DNHD1: variants seen among roughly 807,000 people sequenced by gnomAD.
DNHD1 encodes the protein dynein heavy chain domain-containing protein 1.
A neutral mutation model predicts 458.1 loss-of-function variants in DNHD1; 383 were observed. The ratio of observed to expected loss-of-function variants is 0.84; its 90% confidence interval spans 0.77 to 0.91. The LOEUF is 0.91. DNHD1 is among the 40% of genes least tolerant of loss of function. The probability of loss-of-function intolerance (pLI) is 0.00; values close to 1 mark genes in which losing one functional copy is unlikely to be tolerated. For synonymous variants in DNHD1, 2,203 were observed against 2,376.9 expected (o/e 0.93, Z 2.13); for missense variants, 5,336 against 5,866.1 (o/e 0.91, Z 2.95).
chr11:6,547,308 TC>T lies in DNHD1; in HGVS notation c.6370del (p.Leu2124SerfsTer2). ...AGATAGCACGACCCCCAGGCACCTTTCTCTTGATGGAGGTGGCTGACACAAC... is the reference window on the plus strand; with the variant it reads ...AGATAGCACGACCCCCAGGCACCTTTTCTTGATGGAGGTGGCTGACACAAC... ...QQIARPPGTF[L>X]LMEVADTTGI... On this transcript the variant is annotated frameshift_variant, in exon 21 of 43. Coordinates refer to ENST00000254579, the MANE Select transcript of DNHD1 (RefSeq NM_144666.3). LOFTEE classifies it high-confidence loss of function. 6.4e-7 allele frequency: 1 copy of T among 1,551,792 alleles called. No homozygotes were observed. The highest frequency in any genetic ancestry group is 8.7e-7 in the Non-Finnish European group (1 of 1,147,010).
chr11:6,548,556 T>C lies in DNHD1; in HGVS notation c.7099-89T>C. On this transcript the variant is annotated intron_variant, in intron 23 of 42. Transcript: ENST00000254579. The surrounding 1 kb of genome is among the most constrained non-coding windows in gnomAD (Gnocchi z 4.4). ...ACATGAAATATTTTCCAAGTACAGC[T>C]CTAGGACAAGTCCCTTAGACTTTTA... The C allele has an allele frequency of 2.7e-6, 4 of 1,502,910 alleles. No homozygotes were observed. Among genetic ancestry groups the C allele is most frequent in the Non-Finnish European group, 2.7e-6 (3 of 1,111,612 alleles). The allele number at this position is 1,502,910 out of a possible 1,614,324, so 93.1% of individuals were successfully genotyped here.
rs865957084 is a variant in DNHD1, at chr11:6,505,858, G to A, written c.920+2932G>A. 1.3e-5 allele frequency among the ~76,000 whole-genome samples: 2 copies of A among 152,186 alleles called. No individual in the cohort carries two copies. Among genetic ancestry groups the A allele is most frequent in the Non-Finnish European group, 2.9e-5 (2 of 68,026 alleles). ...CTGACACCTAGTGGCTGCTACACTT[G>A]ACTGTCATGGCTGTAATGATAGTAA... On this transcript the variant is annotated intron_variant, in intron 4 of 42. Transcript: ENST00000254579. The surrounding 1 kb of genome is among the most constrained non-coding windows in gnomAD (Gnocchi z 4.4).
rs1395757381 is a variant in DNHD1, at chr11:6,545,520, G to A, written c.4581G>A (p.Leu1527=). 6.4e-7 allele frequency: 1 copy of A among 1,551,762 alleles called. No homozygotes were observed. The highest frequency in any genetic ancestry group is 2.4e-5 in the East Asian group (1 of 40,922). The change falls in exon 21 of 43, where the codon CTG becomes CTA. Residue 1527 remains leucine (L), a synonymous_variant. Transcript: ENST00000254579. This position sits in a 1 kb window ranked among gnomAD's most constrained non-coding sequence, Gnocchi z 4.9. ...GGCGGGCCGAGATGGAGGAGGCTCT[G>A]CTTGAGTGGGGTACCCTGGCCATGG... is the stretch of plus-strand genomic sequence containing the variant. ...VVWRAEMEEA[L]LEWGTLAMVS... is the part of the protein sequence containing the mutation.
chr11:6,507,142 T>G (rs1258505100), intron 4 of DNHD1, among the ~76,000 whole-genome samples: 1 of 152,192 alleles, frequency 6.6e-6, no homozygotes, highest in Non-Finnish European at 1.5e-5. Flanking sequence ...GGACAAGGAC[T>G]ATGTAGAAGT....
intron 16 of DNHD1, 78 bp downstream of exon 16, chr11:6,538,888 T>A: frequency 3.1e-6 from 4 of 1,302,150 alleles, no homozygotes; most frequent in Non-Finnish European, 4.1e-6. Context: ...AGTTTCCTGC[T>A]GCTCCTGCTG....
intron 12 of DNHD1, 64 bp downstream of exon 12, chr11:6,529,185 C>T: frequency 6.5e-7 from 1 of 1,527,736 alleles, no homozygotes; most frequent in Non-Finnish European, 8.8e-7. Context: ...CATGGCCTGC[C>T]TTGGTCCTGG....
At position 6,571,132 on chromosome 11, in the gene DNHD1, T is replaced by C; in HGVS notation, c.13620T>C (p.His4540=). ...TGRLPLPWRP[H]APAGPQPPWH... Reference sequence around the variant, plus strand: ...GCCTACCCTTGCCTTGGCGACCTCATGCGCCGGCCGGTCCGCAGCCGCCCT... The same window carrying C: ...GCCTACCCTTGCCTTGGCGACCTCACGCGCCGGCCGGTCCGCAGCCGCCCT... The change falls in exon 42 of 43, where the codon CAT becomes CAC. Residue 4540 remains histidine, a synonymous_variant. Transcript: ENST00000254579. This position sits in a 1 kb window ranked among gnomAD's most constrained non-coding sequence, Gnocchi z 5.0. 1 of 1,600,712 alleles carries C rather than the reference T, an allele frequency of 6.2e-7. No individual in the cohort carries two copies. Among genetic ancestry groups the C allele is most frequent in the Non-Finnish European group, 8.5e-7 (1 of 1,175,320 alleles).
At chr11:6,551,448 A>G (rs927618679) in intron 24 of DNHD1, among the ~76,000 whole-genome samples, 1 of 152,240 alleles carries the variant, frequency 6.6e-6, no homozygotes, top group South Asian at 2.1e-4. Context: ...AAAGGAAATC[A>G]ATAATAAAGA....
At position 6,567,795 on chromosome 11, in the gene DNHD1, G is replaced by C; in HGVS notation, c.12286G>C (p.Gly4096Arg). The change falls in exon 36 of 43, where the codon GGC (glycine) becomes CGC (arginine). Residue 4096 changes from glycine to arginine, a missense_variant. By Grantham distance (125) the Gly-to-Arg change is moderately radical. This residue lies in a region of DNHD1 where 695 missense variants were observed against 804.2 expected (regional missense o/e 0.86). Coordinates refer to ENST00000254579, the MANE Select transcript of DNHD1 (RefSeq NM_144666.3). ...CATGCTGATCTTGTTGCCACCGCCT[G>C]GCCACCCCTCAGCCACTCTGCATCC... Reference protein sequence around the residue: ...QPMLILLPPPGHPSATLHPLT... With the variant: ...QPMLILLPPPRHPSATLHPLT... 1.2e-6 allele frequency: 2 copies of C among 1,613,834 alleles called. No homozygotes were observed. The highest frequency in any genetic ancestry group is 8.5e-7 in the Non-Finnish European group (1 of 1,179,900).
intron 7 of DNHD1, among the ~76,000 whole-genome samples, chr11:6,512,224 T>A (rs1435236583): frequency 7.7e-6 from 1 of 129,390 alleles, no homozygotes; most frequent in African/African-American, 3.1e-5. Context: ...TTTTTTTTTT[T>A]TTTTTTTTTT....
Position 6,533,776 on chromosome 11 carries a change from T to C in DNHD1, c.2601T>C (p.Phe867=), listed in dbSNP as rs1039419901. ...HELIRNHFSL[F]SAENEALDIS... is the part of the protein sequence containing the mutation. ...TCATCCGCAACCACTTTAGCCTCTTTAGTGCTGAGAATGAAGCACTGGACA... is the reference window on the plus strand; with the variant it reads ...TCATCCGCAACCACTTTAGCCTCTTCAGTGCTGAGAATGAAGCACTGGACA... Residue 867 remains phenylalanine, a synonymous_variant, in exon 14 of 43, where the codon TTT becomes TTC. Transcript: ENST00000254579. The C allele has an allele frequency of 1.3e-6, 2 of 1,551,256 alleles. No homozygotes were observed. Among genetic ancestry groups the C allele is most frequent in the East Asian group, 4.9e-5 (2 of 40,886 alleles).
At position 6,544,106 on chromosome 11, in the gene DNHD1, C is replaced by G; in HGVS notation, c.3629-15C>G. 1.3e-6 allele frequency: 2 copies of G among 1,550,622 alleles called. No homozygotes were observed. Among genetic ancestry groups the G allele is most frequent in the Non-Finnish European group, 1.7e-6 (2 of 1,146,362 alleles). On this transcript the variant is annotated splice_polypyrimidine_tract_variant and intron_variant, in intron 18 of 42. Transcript: ENST00000254579. ...TTGCCTCATCTGACTGCCAGTTCAGCTTTTTCTGTCTTAGATTACAGCAAC... is the reference window on the plus strand; with the variant it reads ...TTGCCTCATCTGACTGCCAGTTCAGGTTTTTCTGTCTTAGATTACAGCAAC...
rs1852880500 is a variant in DNHD1, at chr11:6,533,724, TGGAATACGTACG to T, written c.2552_2563del (p.Glu851_Arg854del). 1 of 1,551,320 alleles carries T rather than the reference TGGAATACGTACG, an allele frequency of 6.4e-7. No homozygotes were observed. Among genetic ancestry groups the T allele is most frequent in the Admixed American group, 2.0e-5 (1 of 50,956 alleles). ...CAGTACGTCGAGCTGGAGGAGCGAA[TGGAATACGTACG>T]GGCACTCCACGAACTCATCCGCAAC... On this transcript the variant is annotated inframe_deletion, in exon 14 of 43. Transcript: ENST00000254579.
At chr11:6,519,100 A>G (rs1852549170) in intron 7 of DNHD1, among the ~76,000 whole-genome samples, 1 of 152,194 alleles carries the variant, frequency 6.6e-6, no homozygotes. Context: ...CCAGGCTTTT[A>G]TTCCACATTC....
chr11:6,554,121 T>C (rs773056895), intron 24 of DNHD1, among the ~76,000 whole-genome samples: 7 of 152,184 alleles, frequency 4.6e-5, no homozygotes, highest in African/African-American at 7.2e-5. Flanking sequence ...GAGTGTGGTA[T>C]TGGTATAAGG....
rs1443288254 is a variant in DNHD1 at position 6,559,072 on chromosome 11, C to T, written c.9382C>T (p.Gln3128Ter). Residue 3128 changes from glutamine (Q) to a stop codon, truncating the protein, a stop_gained, in exon 27 of 43, where the codon CAG (glutamine) becomes TAG (stop). Transcript: ENST00000254579. LOFTEE classifies it high-confidence loss of function. ...GGACACTTTCCTGATGCTGCAGCAA[C>T]AGACAATCCTGAAGATTAAGAACAA... ...FLDTFLMLQQQTILKIKNKAQ... is the reference protein window; with the variant it reads ...FLDTFLMLQQ 21 of 1,551,710 alleles carry T rather than the reference C, an allele frequency of 1.4e-5. No individual in the cohort carries two copies. Among genetic ancestry groups the T allele is most frequent in the Admixed American group, 3.9e-5 (2 of 51,004 alleles).
intron 7 of DNHD1, among the ~76,000 whole-genome samples, chr11:6,517,818 C>T (rs893984253): frequency 6.6e-6 from 1 of 151,872 alleles, no homozygotes; most frequent in Non-Finnish European, 1.5e-5. Flanking sequence ...CACAAACACA[C>T]AGGCCATAGC....
rs762146719 is a variant in DNHD1, at chr11:6,502,810, C to A, written c.804C>A (p.Gly268=). 1.2e-6 allele frequency: 2 copies of A among 1,612,744 alleles called. No homozygotes were observed. Among genetic ancestry groups the A allele is most frequent in the Non-Finnish European group, 1.7e-6 (2 of 1,179,472 alleles). The change falls in exon 4 of 43, where the codon GGC becomes GGA. Residue 268 remains glycine, a synonymous_variant. Transcript: ENST00000254579. ...AGGCCTTCCAAAAGAGCAGCACCGG[C>A]TTTTCACCTGAGACTTCCTTCCTGG... ...REKAFQKSST[G]FSPETSFLDS...
intron 4 of DNHD1, among the ~76,000 whole-genome samples, chr11:6,506,937 A>G (rs947512378): frequency 4.6e-5 from 7 of 152,250 alleles, no homozygotes; most frequent in African/African-American, 1.7e-4. Flanking sequence ...CTAATTGCCC[A>G]GATTAGGGAC....
Sources: gnomAD v4.1 joint callset for allele counts (sites outside exome capture counted in the v4.1 genomes callset) on GRCh38, gnomAD v4.1.1 for gene constraint, gnomAD v4.1.1 regional missense constraint, Gnocchi (gnomAD v3.1) non-coding constraint, MANE v1.5 for transcripts, NCBI Gene and HGNC (gene_info 2026-07-23, HGNC 2026-07-21) for gene names.